PRKCB: variants seen among roughly 807,000 people sequenced by gnomAD.
The protein encoded by PRKCB is protein kinase C beta type.
Under a neutral mutation model 81.5 loss-of-function variants are expected in PRKCB, and 13 were observed. That is an observed-to-expected ratio of 0.16 (90% CI 0.10 to 0.25). PRKCB has a LOEUF of 0.25. Ranked by LOEUF, PRKCB falls within the 10% of genes least tolerant of loss-of-function variation. PRKCB has a pLI of 1.00. For missense variants in PRKCB, 509 were observed against 875.7 expected (o/e 0.58, Z 5.29); for synonymous variants, 335 against 321.4 (o/e 1.04, Z -0.45).
chr16:24,068,057 T>A (rs1304183222), intron 5 of PRKCB, among the ~76,000 whole-genome samples: 28 of 152,228 alleles, frequency 1.8e-4, no homozygotes, highest in Non-Finnish European at 4.4e-5. Context: ...TTTATAGCCT[T>A]CGTAAGGTTT....
chr16:24,172,146 C>A, intron 10 of PRKCB, 124 bp from the exon 11 acceptor site: 1 of 706,626 alleles, frequency 1.4e-6, no homozygotes, highest in Admixed American at 2.2e-5. Context: ...GGAAGCCCAG[C>A]AAACAGGGAT....
intron 3 of PRKCB, among the ~76,000 whole-genome samples, chr16:24,021,072 C>CTCCCTCCTTTCTTTCTTTCTTTCTTTCT: frequency 3.2e-5 from 3 of 94,472 alleles, no homozygotes; most frequent in African/African-American, 4.3e-5. Flanking sequence ...CCCTCCCTCC[C>CTCCCTCCTTTCTTTCTTTCTTTCTTTCT]TTCTTTCTTT....
intron 10 of PRKCB, among the ~76,000 whole-genome samples, chr16:24,168,628 A>G (rs1222622787): frequency 7.8e-6 from 1 of 128,274 alleles, no homozygotes; most frequent in Non-Finnish European, 1.5e-5. Context: ...ATGGCTCACT[A>G]TAGCCTTGAA....
At chr16:24,110,638 G>A (rs1166259086) in intron 7 of PRKCB, among the ~76,000 whole-genome samples, 1 of 148,572 alleles carries the variant, frequency 6.7e-6, no homozygotes, top group Admixed American at 6.8e-5. Context: ...TACCTCAGCC[G>A]CTCAAGTAGC....
At chr16:23,895,317 T>A (rs1963361470) in intron 2 of PRKCB, among the ~76,000 whole-genome samples, 2 of 151,816 alleles carry the variant, frequency 1.3e-5, no homozygotes, top group South Asian at 4.2e-4. Flanking sequence ...AGTGTCACTG[T>A]TTTATTTTTC....
intron 2 of PRKCB, among the ~76,000 whole-genome samples, chr16:23,866,089 G>A (rs1392576376): frequency 6.6e-6 from 1 of 152,112 alleles, no homozygotes; most frequent in African/African-American, 2.4e-5. Flanking sequence ...TTGATTGATT[G>A]TAAATTGCCT....
chr16:23,991,114 G>A lies in PRKCB; in HGVS notation c.288+2524G>A, dbSNP rs149516635. Among the ~76,000 whole-genome samples the A allele has an allele frequency of 9.1e-4, 139 of 152,262 alleles. 1 individual carries two copies. Among genetic ancestry groups the A allele is most frequent in the African/African-American group, 3.3e-3 (138 of 41,556 alleles). Reference sequence around the variant, plus strand: ...GAGTAGTGACTATCTTCTGTCATTGGATTTCTTTAGCTCCTGCTGGTCTTC... The same window carrying A: ...GAGTAGTGACTATCTTCTGTCATTGAATTTCTTTAGCTCCTGCTGGTCTTC... On this transcript the variant is annotated intron_variant, in intron 3 of 16. Coordinates refer to ENST00000643927, the MANE Select transcript of PRKCB (RefSeq NM_002738.7).
chr16:24,217,097 G>A lies in PRKCB; in HGVS notation c.*2281G>A. ...AGGATGAATGGAAAGAGAAAGAAAG[G>A]AAAGAAAGAAGAAAAAGAAAGAAGG... On this transcript the variant is annotated 3_prime_UTR_variant, in exon 17 of 17. Transcript: ENST00000643927. 2 of 981,088 alleles carry A rather than the reference G, an allele frequency of 2.0e-6. No individual in the cohort carries two copies. Among genetic ancestry groups the A allele is most frequent in the Non-Finnish European group, 2.4e-6 (2 of 828,910 alleles). 60.8% of individuals were successfully genotyped at this position (981,088 alleles called of 1,614,324 possible). A position where few individuals can be genotyped will look rare whatever the true frequency, so the allele number is the denominator to read the frequency against.
intron 5 of PRKCB, among the ~76,000 whole-genome samples, chr16:24,085,541 C>T (rs1966301466): frequency 6.6e-6 from 1 of 152,180 alleles, no homozygotes; most frequent in African/African-American, 2.4e-5. Flanking sequence ...AAAATTTGGA[C>T]TCTCTTAAGA....
At chr16:23,904,132 G>A (rs1963523453) in intron 2 of PRKCB, among the ~76,000 whole-genome samples, 1 of 152,150 alleles carries the variant, frequency 6.6e-6, no homozygotes, top group Non-Finnish European at 1.5e-5. Flanking sequence ...GGCAGGGGGT[G>A]TGTCTACCTT....
chr16:23,839,668 G>A (rs1306259837), intron 2 of PRKCB, among the ~76,000 whole-genome samples: 1 of 152,096 alleles, frequency 6.6e-6, no homozygotes, highest in Non-Finnish European at 1.5e-5. Context: ...AGGCTACCAG[G>A]CAAGTCCCTG....
At chr16:23,993,587 C>T (rs1171704016) in intron 3 of PRKCB, among the ~76,000 whole-genome samples, 3 of 152,080 alleles carry the variant, frequency 2.0e-5, no homozygotes, top group Non-Finnish European at 4.4e-5. Context: ...TGAGGGGAGC[C>T]CCAGCGTCCT....
At chr16:23,966,998 T>C (rs1964495754) in intron 2 of PRKCB, among the ~76,000 whole-genome samples, 1 of 146,178 alleles carries the variant, frequency 6.8e-6, no homozygotes, top group Non-Finnish European at 1.5e-5. Flanking sequence ...GCTTAAGAAT[T>C]GGCAGTGGTT....
intron 15 of PRKCB, among the ~76,000 whole-genome samples, chr16:24,189,307 G>T (rs1368724148): frequency 6.6e-6 from 1 of 152,096 alleles, no homozygotes; most frequent in Non-Finnish European, 1.5e-5. Context: ...TCACCTCATT[G>T]GGTTATTATG....
intron 5 of PRKCB, among the ~76,000 whole-genome samples, chr16:24,091,689 C>A (rs550408503): frequency 6.6e-6 from 1 of 152,282 alleles, no homozygotes; most frequent in African/African-American, 2.4e-5. Context: ...TGGCTCACTG[C>A]AAGCTCTGCC....
intron 2 of PRKCB, among the ~76,000 whole-genome samples, chr16:23,964,027 G>A (rs1258309722): frequency 1.3e-5 from 2 of 152,146 alleles, no homozygotes; most frequent in East Asian, 1.9e-4. Context: ...GGGCTACTGC[G>A]GGGATTAAAT....
chr16:24,185,500 C>G lies in PRKCB; in HGVS notation c.1655C>G (p.Ser552Cys). The part of the protein sequence containing the change: ...EGEDEDELFQ[S>C]IMEHNVAYPK... ...GAGGATGAAGATGAACTCTTCCAAT[C>G]CATCATGGAACACAACGTAGCCTAT... Residue 552 changes from serine (S) to cysteine (C), a missense_variant, in exon 15 of 17, where the codon TCC becomes TGC. This residue lies in a region of PRKCB where 104 missense variants were observed against 160.5 expected (regional missense o/e 0.65). Coordinates refer to ENST00000643927, the MANE Select transcript of PRKCB (RefSeq NM_002738.7). 2 of 1,614,124 alleles carry G rather than the reference C, an allele frequency of 1.2e-6. No individual in the cohort carries two copies. Among genetic ancestry groups the G allele is most frequent in the Non-Finnish European group, 1.7e-6 (2 of 1,179,984 alleles).
intron 2 of PRKCB, among the ~76,000 whole-genome samples, chr16:23,908,388 G>A (rs1963596370): frequency 6.6e-6 from 1 of 152,102 alleles, no homozygotes; most frequent in East Asian, 1.9e-4. Flanking sequence ...AACAGCTTTT[G>A]CAAGACACCT....
At chr16:24,075,488 G>A (rs1966166170) in intron 5 of PRKCB, among the ~76,000 whole-genome samples, 1 of 152,218 alleles carries the variant, frequency 6.6e-6, no homozygotes. Flanking sequence ...AAAAGAGCAG[G>A]ATGGAGTCAT....
Sources: gnomAD v4.1 joint callset for allele counts (sites outside exome capture counted in the v4.1 genomes callset) on GRCh38, gnomAD v4.1.1 for gene constraint, gnomAD v4.1.1 regional missense constraint, MANE v1.5 for transcripts, NCBI Gene and HGNC (gene_info 2026-07-23, HGNC 2026-07-21) for gene names.